The following PCDHA7 variants were observed in gnomAD, a reference collection of about 807,000 sequenced individuals.
PCDHA7 encodes the protein protocadherin alpha 7, also known as protocadherin alpha-7.
Under a neutral mutation model 57.2 loss-of-function variants are expected in PCDHA7, and 37 were observed. The observed-to-expected ratio is 0.65, with a 90% CI of 0.50 to 0.85. PCDHA7 has a LOEUF of 0.85. PCDHA7 is among the 40% of genes least tolerant of loss of function. The pLI, the probability that PCDHA7 is intolerant of heterozygous loss-of-function variation, is 0.00. For synonymous variants in PCDHA7, 553 were observed against 558.8 expected, an observed-to-expected ratio of 0.99 and a Z score of 0.15; for missense variants, 1,188 against 1,241.8, an observed-to-expected ratio of 0.96 and a Z score of 0.65.
chr5:140,857,717 G>T, intron 1 of PCDHA7: 1 of 1,597,518 alleles, frequency 6.3e-7, no homozygotes, highest in Non-Finnish European at 8.6e-7. Context: ...CGTGCTGGAC[G>T]AGAACGACAA....
Position 140,841,349 on chromosome 5 carries a change from G to A in PCDHA7, c.2355+4611G>A, listed in dbSNP as rs2150314039. The A allele has an allele frequency of 5.3e-5, 86 of 1,612,662 alleles. 1 individual carries two copies. In the East Asian group the frequency reaches 1.9e-3, roughly 36 times the overall value. On this transcript the variant is annotated intron_variant, in intron 1 of 3. Coordinates refer to ENST00000525929, the MANE Select transcript of PCDHA7 (RefSeq NM_018910.3). ...GGATTATCACTGGCGAGGAGAGCTG[G>A]GATCCTGGCGACTACTACTCTTGCT...
At chr5:140,933,073 T>C (rs1198976304) in intron 1 of PCDHA7, among the ~76,000 whole-genome samples, 1 of 152,026 alleles carries the variant, frequency 6.6e-6, no homozygotes, top group Non-Finnish European at 1.5e-5. Context: ...TAAAGTATTA[T>C]GGGAAGTAAG....
chr5:140,837,634 T>A (rs918973848), intron 1 of PCDHA7, among the ~76,000 whole-genome samples: 4 of 134,932 alleles, frequency 3.0e-5, no homozygotes, highest in Admixed American at 1.4e-4. Context: ...CCTTCCTTCC[T>A]TTCTTTCTTT....
At chr5:140,986,231 C>A (rs2097191592) in intron 3 of PCDHA7, among the ~76,000 whole-genome samples, 1 of 152,210 alleles carries the variant, frequency 6.6e-6, no homozygotes, top group African/African-American at 2.4e-5. Context: ...AGCCTCCCCT[C>A]TGTGTGAGCA....
chr5:140,927,459 A>G (rs2084222098), intron 1 of PCDHA7: 1 of 1,614,018 alleles, frequency 6.2e-7, no homozygotes, highest in Non-Finnish European at 8.5e-7. Flanking sequence ...TGTTGGAGAA[A>G]GCACTGGATC....
chr5:140,929,159 A>G lies in PCDHA7; in HGVS notation c.2356-49790A>G, dbSNP rs781818133. The G allele has an allele frequency of 1.7e-5, 27 of 1,613,968 alleles. No homozygotes were observed. Among genetic ancestry groups the G allele is most frequent in the South Asian group, 1.4e-4 (13 of 91,088 alleles). On this transcript the variant is annotated intron_variant, in intron 1 of 3. Coordinates refer to ENST00000525929, the MANE Select transcript of PCDHA7 (RefSeq NM_018910.3). The stretch of plus-strand genomic sequence containing the variant: ...GAGAGACTTTCTCAGACTTATCTCT[A>G]TCGGGCCTCTCTGGGACTTGGTTCT...
intron 1 of PCDHA7, among the ~76,000 whole-genome samples, chr5:140,917,700 T>C (rs879971168): frequency 2.0e-5 from 3 of 152,166 alleles, no homozygotes; most frequent in Non-Finnish European, 4.4e-5. Flanking sequence ...GATCAGATAA[T>C]TGTAGGTGTG....
chr5:140,980,455 C>T (rs1412427414), intron 2 of PCDHA7, among the ~76,000 whole-genome samples: 1 of 152,086 alleles, frequency 6.6e-6, no homozygotes, highest in African/African-American at 2.4e-5. Context: ...CACGGTGAAA[C>T]CCTGTCTCTA....
intron 1 of PCDHA7, chr5:140,929,690 C>T (rs921103809): frequency 1.4e-5 from 4 of 278,364 alleles, no homozygotes; most frequent in Non-Finnish European, 2.8e-5. Context: ...TAAGAGTCTG[C>T]TTTATATGAA....
intron 1 of PCDHA7, chr5:140,870,409 G>A (rs2051982376): frequency 1.9e-6 from 3 of 1,614,226 alleles, no homozygotes; most frequent in African/African-American, 1.3e-5. Context: ...TTCTCTGTGG[G>A]CCACGGCCAG....
In PCDHA7 at chr5:140,891,823, C is replaced by T. The variant is rs186209593; in HGVS notation, c.2355+55085C>T. On this transcript the variant is annotated intron_variant, in intron 1 of 3. Transcript: ENST00000525929. ...TGCCCTCATGAATAAATTAACGGCACTGTAAAAGGACTTGATGGAAGGAGC... is the reference window on the plus strand; with the variant it reads ...TGCCCTCATGAATAAATTAACGGCATTGTAAAAGGACTTGATGGAAGGAGC... Among the ~76,000 whole-genome samples, 1,217 of 152,254 alleles carry T rather than the reference C, an allele frequency of 8.0e-3. 6 individuals carry two copies. The highest frequency in any genetic ancestry group is 0.019 in the African/African-American group (784 of 41,536).
At chr5:140,884,385 C>A (rs1554181508) in intron 1 of PCDHA7, 1 of 1,613,992 alleles carries the variant, frequency 6.2e-7, no homozygotes, top group Non-Finnish European at 8.5e-7. Context: ...GCCATCTGCG[C>A]GGTGTCCAGC....
At chr5:140,941,194 TCTTTCTTCC>T (rs781813612) in intron 1 of PCDHA7, among the ~76,000 whole-genome samples, 93 of 112,424 alleles carry the variant, frequency 8.3e-4, no homozygotes, top group South Asian at 2.2e-3. Flanking sequence ...TCTTTTTTTT[TCTTTCTTCC>T]TTTCTTTCTT....
chr5:140,974,553 C>G (rs1554236197), intron 1 of PCDHA7, among the ~76,000 whole-genome samples: 1 of 151,870 alleles, frequency 6.6e-6, no homozygotes, highest in African/African-American at 2.4e-5. Context: ...CTCTTGTTGC[C>G]CAGGCTGGAG....
chr5:140,943,830 G>C (rs1245752469), intron 1 of PCDHA7, among the ~76,000 whole-genome samples: 1 of 152,198 alleles, frequency 6.6e-6, no homozygotes, highest in Non-Finnish European at 1.5e-5. Context: ...TGAGTTGATT[G>C]AAGTTGTAAG....
intron 1 of PCDHA7, among the ~76,000 whole-genome samples, chr5:140,890,076 C>G (rs2062479072): frequency 6.6e-6 from 1 of 152,150 alleles, no homozygotes. Flanking sequence ...CTTATGAGAA[C>G]TGATAATGCA....
intron 1 of PCDHA7, chr5:140,928,544 A>G (rs1554205985): frequency 3.1e-6 from 5 of 1,614,062 alleles, no homozygotes; most frequent in Middle Eastern, 1.6e-4. Flanking sequence ...AGGAATGACA[A>G]TTATCCGGTT....
In PCDHA7 at chr5:140,856,749, C is replaced by T. The variant is rs146132566; in HGVS notation, c.2355+20011C>T. The T allele has an allele frequency of 1.3e-4, 214 of 1,595,860 alleles. 19 individuals carry two copies. In the Middle Eastern group the frequency reaches 4.3e-3, roughly 32 times the overall value. On this transcript the variant is annotated intron_variant, in intron 1 of 3. Transcript: ENST00000525929. ...TCTCTGCTGATCCTGGTGTTAGATGCCAATGATAACGCCCCTATCTTTGAC... is the reference window on the plus strand; with the variant it reads ...TCTCTGCTGATCCTGGTGTTAGATGTCAATGATAACGCCCCTATCTTTGAC...
At chr5:140,929,821 C>G (rs2086398950) in intron 1 of PCDHA7, 1 of 157,208 alleles carries the variant, frequency 6.4e-6, no homozygotes, top group Non-Finnish European at 1.4e-5. Context: ...AGAAAGGGAA[C>G]ATAAGAGAAC....
Sources: allele counts gnomAD v4.1 joint callset (sites outside exome capture counted in the v4.1 genomes callset), GRCh38; gene constraint gnomAD v4.1.1; transcripts MANE v1.5; gene names NCBI Gene and HGNC (gene_info 2026-07-23, HGNC 2026-07-21).